The following GRM7 variants were observed in gnomAD, a reference collection of about 807,000 sequenced individuals.
The protein encoded by GRM7 is glutamate metabotropic receptor 7.
GRM7 carries 35 observed loss-of-function variants against 84.5 expected under a neutral mutation model. That is an observed-to-expected ratio of 0.41 (90% CI 0.32 to 0.55). The LOEUF (loss-of-function observed/expected upper bound fraction) is 0.55. Ranked by LOEUF, GRM7 falls within the 20% of genes least tolerant of loss-of-function variation. The pLI is 0.19. For synonymous variants in GRM7, 487 were observed against 455.1 expected (o/e 1.07, Z -0.89); for missense variants, 1,003 against 1,194.6 (o/e 0.84, Z 2.36).
rs114681424 is a variant in GRM7, at chr3:7,119,275, C to A, written c.520-27177C>A. Among the ~76,000 whole-genome samples, 685 of 151,990 alleles carry A rather than the reference C, an allele frequency of 4.5e-3. 2 individuals are homozygous for A. The highest frequency in any genetic ancestry group is 0.015 in the African/African-American group (630 of 41,498). ...TGAGATGGGTTTTTGTCTGTAATTT[C>A]TTTTTACCTCCCTGGGCCCTTTCAA... On this transcript the variant is annotated intron_variant, in intron 1 of 9. Transcript: ENST00000357716.
At chr3:7,711,170 T>C (rs571322837) in intron 9 of GRM7, among the ~76,000 whole-genome samples, 4 of 152,306 alleles carry the variant, frequency 2.6e-5, no homozygotes, top group East Asian at 1.9e-4. Context: ...AGAATATGTA[T>C]GCAGAAAATC....
At chr3:7,366,099 C>A (rs1369211786) in intron 4 of GRM7, among the ~76,000 whole-genome samples, 5 of 151,634 alleles carry the variant, frequency 3.3e-5, no homozygotes, top group Admixed American at 2.6e-4. Flanking sequence ...AGGGAGCTAC[C>A]TTTCCTGAGT....
At chr3:7,216,638 C>T (rs893978298) in intron 2 of GRM7, among the ~76,000 whole-genome samples, 3 of 152,178 alleles carry the variant, frequency 2.0e-5, no homozygotes, top group Admixed American at 1.3e-4. Flanking sequence ...CACCCTCACT[C>T]TCCCTAAAAA....
chr3:7,610,740 C>T (rs1245998112), intron 8 of GRM7, among the ~76,000 whole-genome samples: 1 of 152,146 alleles, frequency 6.6e-6, no homozygotes, highest in Non-Finnish European at 1.5e-5. Flanking sequence ...GCTTCCACGG[C>T]CTCCCGATAG....
At chr3:7,329,458 T>A (rs904838380) in intron 4 of GRM7, among the ~76,000 whole-genome samples, 2 of 152,156 alleles carry the variant, frequency 1.3e-5, no homozygotes, top group South Asian at 4.1e-4. Flanking sequence ...TCTTTGTGAA[T>A]GGGTATGTGG....
chr3:7,558,016 TG>T (rs1379528517), intron 7 of GRM7, among the ~76,000 whole-genome samples: 4 of 141,356 alleles, frequency 2.8e-5, no homozygotes, highest in Admixed American at 1.4e-4. Flanking sequence ...ATGCAATTAG[TG>T]AAGATGTTGT....
intron 1 of GRM7, among the ~76,000 whole-genome samples, chr3:7,012,553 A>G (rs984714439): frequency 6.6e-6 from 1 of 152,042 alleles, no homozygotes; most frequent in African/African-American, 2.4e-5. Flanking sequence ...ACCTTCCCCC[A>G]TCCTTCTCCC....
chr3:7,643,579 G>T (rs1030703428), intron 8 of GRM7, among the ~76,000 whole-genome samples: 6 of 152,122 alleles, frequency 3.9e-5, no homozygotes, highest in African/African-American at 1.4e-4. Context: ...CTTTCCACTG[G>T]CCAACAGGTT....
intron 1 of GRM7, among the ~76,000 whole-genome samples, chr3:7,040,397 G>A (rs940525916): frequency 5.3e-5 from 8 of 151,978 alleles, no homozygotes; most frequent in Admixed American, 4.6e-4. Context: ...CTGCCTCCTG[G>A]GTTAAAGCGA....
intron 7 of GRM7, among the ~76,000 whole-genome samples, chr3:7,490,718 G>C (rs1431951265): frequency 6.6e-6 from 1 of 152,072 alleles, no homozygotes; most frequent in Non-Finnish European, 1.5e-5. Context: ...AAAAAGTCCT[G>C]TTAAAAAAGT....
chr3:7,006,061 A>G (rs1485416310), intron 1 of GRM7, among the ~76,000 whole-genome samples: 1 of 152,160 alleles, frequency 6.6e-6, no homozygotes, highest in African/African-American at 2.4e-5. Context: ...TGTAATCAAA[A>G]GGGAAATGGT....
chr3:6,998,118 T>TAAAAAAAAAAAAA (rs1694884902), intron 1 of GRM7, among the ~76,000 whole-genome samples: 1 of 874 alleles, frequency 1.1e-3, no homozygotes, highest in African/African-American at 1.5e-3. Flanking sequence ...AATCTCCATC[T>TAAAAAAAAAAAAA]CAAAAAAAAA....
intron 1 of GRM7, among the ~76,000 whole-genome samples, chr3:6,955,764 C>T (rs1693018542): frequency 1.3e-5 from 2 of 151,120 alleles, no homozygotes; most frequent in Non-Finnish European, 2.9e-5. Flanking sequence ...ATCACATGAA[C>T]CCTTAAGGCA....
intron 1 of GRM7, among the ~76,000 whole-genome samples, chr3:7,106,364 A>G (rs1022330539): frequency 2.6e-5 from 4 of 151,434 alleles, no homozygotes. Context: ...TTCTGGGATC[A>G]TTCTGCTTCC....
chr3:7,071,144 T>TAAGAA (rs1311369725), intron 1 of GRM7, among the ~76,000 whole-genome samples: 1 of 152,048 alleles, frequency 6.6e-6, no homozygotes. Context: ...CAGGGGATGG[T>TAAGAA]GGCTTTCTTC....
chr3:7,021,575 A>G (rs541165964), intron 1 of GRM7, among the ~76,000 whole-genome samples: 1 of 152,210 alleles, frequency 6.6e-6, no homozygotes, highest in Admixed American at 6.5e-5. Flanking sequence ...AACATTTCTG[A>G]TGAATGAACT....
At chr3:7,536,658 C>A (rs180918656) in intron 7 of GRM7, among the ~76,000 whole-genome samples, 12 of 152,254 alleles carry the variant, frequency 7.9e-5, no homozygotes, top group East Asian at 5.8e-4. Flanking sequence ...AGCTTGGGGG[C>A]AGCCAACTGC....
At chr3:6,887,394 C>A (rs1166041251) in intron 1 of GRM7, among the ~76,000 whole-genome samples, 1 of 151,716 alleles carries the variant, frequency 6.6e-6, no homozygotes, top group Non-Finnish European at 1.5e-5. Flanking sequence ...CCCCACCCCA[C>A]AACAGTCCAC....
chr3:7,362,642 A>G (rs1441740352), intron 4 of GRM7, among the ~76,000 whole-genome samples: 2 of 152,064 alleles, frequency 1.3e-5, no homozygotes, highest in African/African-American at 4.8e-5. Flanking sequence ...TAGCTGTACG[A>G]TTCATTAAAA....
Sources: gnomAD v4.1 joint callset for allele counts (sites outside exome capture counted in the v4.1 genomes callset) on GRCh38, gnomAD v4.1.1 for gene constraint, MANE v1.5 for transcripts, NCBI Gene and HGNC (gene_info 2026-07-23, HGNC 2026-07-21) for gene names.